The following SAMD12 variants were observed in gnomAD, a reference collection of about 807,000 sequenced individuals.
SAMD12 encodes the protein sterile alpha motif domain-containing protein 12.
In SAMD12, 9 loss-of-function variants were observed where a neutral mutation model predicts 15.0. That is an observed-to-expected ratio of 0.60 (90% confidence interval 0.36 to 1.05). The LOEUF (loss-of-function observed/expected upper bound fraction) is 1.05, where lower values mean the gene tolerates loss of function less well. Ranked by LOEUF, SAMD12 falls within the 50% of genes least tolerant of loss-of-function variation. The probability of loss-of-function intolerance (pLI) is 0.01; values close to 1 mark genes in which losing one functional copy is unlikely to be tolerated. For missense variants in SAMD12, 230 were observed against 234.2 expected, an observed-to-expected ratio of 0.98 and a Z score of 0.12; for synonymous variants, 86 against 90.1, an observed-to-expected ratio of 0.96 and a Z score of 0.25.
intron 4 of SAMD12, among the ~76,000 whole-genome samples, chr8:118,299,277 G>T (rs184099413): frequency 6.6e-6 from 1 of 152,310 alleles, no homozygotes; most frequent in African/African-American, 2.4e-5. Context: ...TAAGGTTGGT[G>T]GAGGCAGCGA....
chr8:118,264,776 A>C (rs1292144930), intron 4 of SAMD12, among the ~76,000 whole-genome samples: 1 of 152,130 alleles, frequency 6.6e-6, no homozygotes, highest in Admixed American at 6.6e-5. Flanking sequence ...CATTTTGTAG[A>C]TGTGACAGCA....
At chr8:118,324,728 G>A (rs1181787657) in intron 4 of SAMD12, among the ~76,000 whole-genome samples, 1 of 152,200 alleles carries the variant, frequency 6.6e-6, no homozygotes, top group Non-Finnish European at 1.5e-5. Context: ...ATGGGCCAAA[G>A]TAAACAGAAG....
intron 3 of SAMD12, 113 bp downstream of exon 3, chr8:118,439,719 C>T (rs1439093988): frequency 2.0e-6 from 2 of 1,022,280 alleles, no homozygotes; most frequent in African/African-American, 1.6e-5. Flanking sequence ...GAAGTAAACC[C>T]ATGCCAGAAA....
chr8:118,534,892 C>T (rs1186043689), intron 2 of SAMD12, among the ~76,000 whole-genome samples: 1 of 152,148 alleles, frequency 6.6e-6, no homozygotes, highest in Non-Finnish European at 1.5e-5. Flanking sequence ...GTTCGAACAT[C>T]CTCCTTTAGC....
chr8:118,517,731 C>G (rs1303632586), intron 2 of SAMD12, among the ~76,000 whole-genome samples: 1 of 152,162 alleles, frequency 6.6e-6, no homozygotes, highest in South Asian at 2.1e-4. Flanking sequence ...GAGATTATTA[C>G]AAGATCGACC....
chr8:118,261,063 C>A (rs143730898), intron 4 of SAMD12, among the ~76,000 whole-genome samples: 3 of 151,992 alleles, frequency 2.0e-5, no homozygotes, highest in Non-Finnish European at 4.4e-5. Flanking sequence ...TTGTTAAAAG[C>A]GTAAATGAGT....
rs114648610 is a variant in SAMD12, at chr8:118,517,202, C to T, written c.192+63513G>A. Among the ~76,000 whole-genome samples the T allele has an allele frequency of 2.9e-3, 434 of 152,248 alleles. 2 individuals are homozygous for T. Among genetic ancestry groups the T allele is most frequent in the African/African-American group, 0.01 (417 of 41,556 alleles). ...CAGGGAGAATAGAGTAGTTAAAAAG[C>T]AAAGGATAAGATTCTTTGAACTGCG... is the stretch of plus-strand genomic sequence containing the variant. On this transcript the variant is annotated intron_variant, in intron 2 of 3. Transcript: ENST00000314727.
intron 4 of SAMD12, among the ~76,000 whole-genome samples, chr8:118,326,110 TTAA>T (rs1272320084): frequency 6.6e-6 from 1 of 152,194 alleles, no homozygotes; most frequent in Non-Finnish European, 1.5e-5. Context: ...CTTCAATTTC[TTAA>T]TAATAGTGCC....
At chr8:118,371,474 C>CT (rs1381054463) in intron 4 of SAMD12, among the ~76,000 whole-genome samples, 2 of 151,986 alleles carry the variant, frequency 1.3e-5, no homozygotes, top group African/African-American at 4.8e-5. Flanking sequence ...AAGCAGAACT[C>CT]TGAGGATTTG....
chr8:118,511,454 T>C (rs1036474546), intron 2 of SAMD12, among the ~76,000 whole-genome samples: 46 of 144,546 alleles, frequency 3.2e-4, no homozygotes, highest in African/African-American at 1.3e-3. Context: ...TTGTTTTTGT[T>C]TTTTTTTTAA....
At chr8:118,607,167 T>C (rs1828005013) in intron 1 of SAMD12, among the ~76,000 whole-genome samples, 1 of 152,202 alleles carries the variant, frequency 6.6e-6, no homozygotes, top group South Asian at 2.1e-4. Flanking sequence ...TAAGAAGTCA[T>C]TCTTTAATAG....
chr8:118,561,006 T>G (rs557053320), intron 2 of SAMD12, among the ~76,000 whole-genome samples: 100 of 152,228 alleles, frequency 6.6e-4, no homozygotes, highest in Non-Finnish European at 1.2e-3. Flanking sequence ...ATTTGTCAGC[T>G]CTTTTAAATT....
chr8:118,268,678 G>A (rs1408166861), intron 4 of SAMD12, among the ~76,000 whole-genome samples: 3 of 152,160 alleles, frequency 2.0e-5, no homozygotes, highest in African/African-American at 7.2e-5. Context: ...GCCAGGCGTG[G>A]TGGTGCTCAC....
intron 4 of SAMD12, among the ~76,000 whole-genome samples, chr8:118,250,404 T>C (rs889222804): frequency 1.3e-5 from 2 of 152,136 alleles, no homozygotes; most frequent in African/African-American, 4.8e-5. Context: ...GCATGCAGCA[T>C]GGACACTCAA....
At chr8:118,479,691 T>C (rs1824068450) in intron 2 of SAMD12, among the ~76,000 whole-genome samples, 1 of 152,158 alleles carries the variant, frequency 6.6e-6, no homozygotes, top group African/African-American at 2.4e-5. Flanking sequence ...AAATGTCAGC[T>C]ATTCAGCAAA....
intron 2 of SAMD12, among the ~76,000 whole-genome samples, chr8:118,556,302 A>T (rs1345691002): frequency 6.6e-6 from 1 of 152,202 alleles, no homozygotes; most frequent in Non-Finnish European, 1.5e-5. Context: ...AGAACTGAAA[A>T]TGCCACCCCT....
the SAMD12 span, among the ~76,000 whole-genome samples, chr8:118,152,798 C>G: frequency 6.6e-6 from 1 of 152,170 alleles, no homozygotes; most frequent in African/African-American, 2.4e-5. Context: ...TGTGCCTGGC[C>G]AAGAATTTTT....
intron 2 of SAMD12, among the ~76,000 whole-genome samples, chr8:118,486,332 C>T (rs1038782607): frequency 2.0e-5 from 3 of 151,644 alleles, no homozygotes; most frequent in Admixed American, 6.6e-5. Context: ...AGGAGAATGG[C>T]GTGAACCTGG....
rs73323639 is a variant in SAMD12 at position 118,324,556 on chromosome 8, T to C, written c.433+55004A>G. 9.4e-3 allele frequency among the ~76,000 whole-genome samples: 1,433 copies of C among 152,246 alleles called. 20 individuals are homozygous for C. Among genetic ancestry groups the C allele is most frequent in the African/African-American group, 0.031 (1,300 of 41,550 alleles). Reference sequence around the variant, plus strand: ...GTGAACTATAATGAATAAGACACCATGCCTACCCTTGAAAAGGTTATAGTA... The same window carrying C: ...GTGAACTATAATGAATAAGACACCACGCCTACCCTTGAAAAGGTTATAGTA... On this transcript the variant is annotated intron_variant, in intron 4 of 4. Coordinates refer to the SAMD12 transcript ENST00000409003.
Sources: allele counts gnomAD v4.1 joint callset (sites outside exome capture counted in the v4.1 genomes callset), GRCh38; gene constraint gnomAD v4.1.1; transcripts MANE v1.5; gene names NCBI Gene and HGNC (gene_info 2026-07-23, HGNC 2026-07-21).